MYRIP: variants seen among roughly 807,000 people sequenced by gnomAD.
MYRIP encodes rab effector MyRIP.
Under a neutral mutation model 98.0 loss-of-function variants are expected in MYRIP, and 49 were observed. The ratio of observed to expected loss-of-function variants is 0.50; its 90% CI spans 0.40 to 0.63. The LOEUF (loss-of-function observed/expected upper bound fraction) is 0.63, where lower values mean the gene tolerates loss of function less well. MYRIP is among the 30% of genes least tolerant of loss of function. The probability of loss-of-function intolerance (pLI) is 0.00; values close to 1 mark genes in which losing one functional copy is unlikely to be tolerated. For missense variants in MYRIP, 1,004 were observed against 1,058.2 expected (o/e 0.95, Z 0.71); for synonymous variants, 404 against 409.5 (o/e 0.99, Z 0.16).
intron 3 of MYRIP, among the ~76,000 whole-genome samples, chr3:40,134,257 G>T (rs1949711983): frequency 6.6e-6 from 1 of 152,256 alleles, no homozygotes; most frequent in Admixed American, 6.5e-5. Context: ...GGCTCGGAGG[G>T]TCCTACACCC....
chr3:40,216,962 ATG>A (rs1559459352), intron 11 of MYRIP, among the ~76,000 whole-genome samples: 1 of 151,340 alleles, frequency 6.6e-6, no homozygotes, highest in South Asian at 2.4e-4. Context: ...AAAAAATAAC[ATG>A]TGTGGCTTTA....
At chr3:40,221,838 T>G (rs1314125136) in intron 11 of MYRIP, among the ~76,000 whole-genome samples, 1 of 152,194 alleles carries the variant, frequency 6.6e-6, no homozygotes, top group Non-Finnish European at 1.5e-5. Flanking sequence ...TATATTACAA[T>G]GTAGTTCATC....
In MYRIP at chr3:39,909,860, A is replaced by G. The variant is rs543384974; in HGVS notation, c.110+8934A>G. On this transcript the variant is annotated intron_variant, in intron 2 of 16. Transcript: ENST00000302541. The stretch of plus-strand genomic sequence containing the variant: ...AGGAATATCATCTCCCTTTATCCCA[A>G]CAATCCTGGGAAAAGCACGTTCTTT... 7.9e-5 allele frequency among the ~76,000 whole-genome samples: 12 copies of G among 151,204 alleles called. 1 individual carries two copies. The highest frequency in any genetic ancestry group is 2.4e-4 in the African/African-American group (10 of 40,972).
chr3:40,004,059 T>C (rs1946580760), intron 2 of MYRIP, among the ~76,000 whole-genome samples: 1 of 152,212 alleles, frequency 6.6e-6, no homozygotes, highest in Non-Finnish European at 1.5e-5. Flanking sequence ...TTGAAAACTC[T>C]AGGTGTCTAT....
chr3:39,821,724 A>G (rs1227774058), intron 1 of MYRIP, among the ~76,000 whole-genome samples: 2 of 151,852 alleles, frequency 1.3e-5, no homozygotes, highest in African/African-American at 4.8e-5. Context: ...CTTATGACTT[A>G]TATGTTTTTT....
chr3:40,119,854 C>T (rs955823728), intron 3 of MYRIP, among the ~76,000 whole-genome samples: 6 of 151,944 alleles, frequency 3.9e-5, no homozygotes, highest in Non-Finnish European at 7.4e-5. Context: ...CAGCATGGCA[C>T]ATGTATACAT....
At chr3:40,022,707 T>A (rs1947024415) in intron 2 of MYRIP, among the ~76,000 whole-genome samples, 1 of 152,106 alleles carries the variant, frequency 6.6e-6, no homozygotes. Flanking sequence ...GGTATTTTAA[T>A]GCAGAATGGG....
At chr3:39,858,194 T>C (rs1039415929) in intron 1 of MYRIP, among the ~76,000 whole-genome samples, 2 of 152,124 alleles carry the variant, frequency 1.3e-5, no homozygotes, top group Non-Finnish European at 2.9e-5. Context: ...AGTGAAAGGA[T>C]GGAAAAATAT....
At chr3:39,910,042 C>T (rs1943981750) in intron 2 of MYRIP, among the ~76,000 whole-genome samples, 1 of 152,012 alleles carries the variant, frequency 6.6e-6, no homozygotes, top group African/African-American at 2.4e-5. Flanking sequence ...AGGTGTGTGC[C>T]ACCACACCCC....
chr3:40,243,612 T>C (rs1280132733), intron 12 of MYRIP, among the ~76,000 whole-genome samples: 2 of 152,216 alleles, frequency 1.3e-5, no homozygotes, highest in Non-Finnish European at 2.9e-5. Context: ...TTACTTTCTT[T>C]AGATACATCT....
chr3:40,197,308 C>G (rs1951418324), intron 10 of MYRIP, among the ~76,000 whole-genome samples: 1 of 152,150 alleles, frequency 6.6e-6, no homozygotes, highest in South Asian at 2.1e-4. Flanking sequence ...GCTGGCTCAC[C>G]TGCTGCCCAC....
chr3:39,959,658 T>A (rs7630083), intron 2 of MYRIP, among the ~76,000 whole-genome samples: 15,985 of 151,208 alleles, frequency 0.11, 2,126 homozygotes, highest in African/African-American at 0.31. Flanking sequence ...TGTACCCTAG[T>A]ACTTAAAGTA....
intron 2 of MYRIP, among the ~76,000 whole-genome samples, chr3:39,913,878 A>G (rs1218948583): frequency 1.3e-5 from 2 of 152,192 alleles, no homozygotes; most frequent in Admixed American, 6.5e-5. Flanking sequence ...TTTGTTCCAC[A>G]TTCTATGGAA....
At chr3:40,183,373 C>T (rs903681885) in intron 9 of MYRIP, among the ~76,000 whole-genome samples, 17 of 152,208 alleles carry the variant, frequency 1.1e-4, no homozygotes, top group African/African-American at 3.9e-4. Flanking sequence ...GAATGTCCTG[C>T]CTCTACATGG....
chr3:39,857,697 C>A (rs7627658), intron 1 of MYRIP, among the ~76,000 whole-genome samples: 74,122 of 151,920 alleles, frequency 0.49, 19,530 homozygotes, highest in African/African-American at 0.7. Context: ...ATAATTTGTT[C>A]CTGGATACAG....
chr3:40,055,325 A>G (rs1046934388), intron 3 of MYRIP, among the ~76,000 whole-genome samples: 13 of 152,194 alleles, frequency 8.5e-5, no homozygotes, highest in Non-Finnish European at 1.9e-4. Context: ...TTGGGAAAAA[A>G]TAAAATGGGA....
chr3:40,074,938 A>C (rs9839506), intron 3 of MYRIP, among the ~76,000 whole-genome samples: 62,985 of 152,074 alleles, frequency 0.41, 13,625 homozygotes, highest in Admixed American at 0.48. Flanking sequence ...AAATTCAAAG[A>C]GCTAGTTTCC....
intron 3 of MYRIP, among the ~76,000 whole-genome samples, chr3:40,098,740 T>TTGTGCGTGTGTGTG (rs746213546): frequency 1.5e-5 from 2 of 135,188 alleles, no homozygotes; most frequent in Admixed American, 7.7e-5. Context: ...GTCTCTCTCA[T>TTGTGCGTGTGTGTG]TGTGTGTGTG....
chr3:40,182,284 C>T lies in MYRIP; in HGVS notation c.938C>T (p.Pro313Leu). The change falls in exon 9 of 17, where the codon CCA becomes CTA. Residue 313 changes from proline (P) to leucine (L), a missense_variant. This residue lies in a region of MYRIP where 880 missense variants were observed against 907.7 expected (regional missense o/e 0.97). Transcript: ENST00000302541. Reference protein sequence around the residue: ...EALKTPPVEAPSRQPRDQGQH... With the variant: ...EALKTPPVEALSRQPRDQGQH... ...CTGAAGACCCCTCCAGTGGAGGCTC[C>T]ATCGAGGCAGCCAAGGGACCAAGGC... 3 of 1,614,030 alleles carry T rather than the reference C, an allele frequency of 1.9e-6. No homozygotes were observed. Among genetic ancestry groups the T allele is most frequent in the Non-Finnish European group, 2.5e-6 (3 of 1,179,972 alleles).
Sources: allele counts gnomAD v4.1 joint callset (sites outside exome capture counted in the v4.1 genomes callset), GRCh38; gene constraint gnomAD v4.1.1; regional missense constraint gnomAD v4.1.1; transcripts MANE v1.5; gene names NCBI Gene and HGNC (gene_info 2026-07-23, HGNC 2026-07-21).